The following MAGEB16 variants were observed in gnomAD, a reference collection of about 807,000 sequenced individuals.
MAGEB16 encodes MAGE family member B16.
For missense variants in MAGEB16, 217 were observed against 234.0 expected, an observed-to-expected ratio of 0.93 and a Z score of 0.47; for synonymous variants, 95 against 92.1, an observed-to-expected ratio of 1.03 and a Z score of -0.18.
At chrX:35,800,524 A>T in intron 1 of MAGEB16, 1 of 525,353 alleles carries the variant, frequency 1.9e-6, no homozygotes, top group Non-Finnish European at 3.5e-6. Context: ...CAGGAGTGGC[A>T]TTAGCTATCA....
intron 1 of MAGEB16, 86 bp downstream of exon 1, chrX:35,798,504 G>A (rs1934832675): frequency 9.0e-6 from 1 of 111,507 alleles, no homozygotes; most frequent in South Asian, 3.8e-4. Flanking sequence ...CCGTGGGCTG[G>A]ACTTTCAGGC....
At chrX:35,798,360 G>A (rs1934831077) in exon 1 of MAGEB16, 1 of 109,840 alleles carries the variant, frequency 9.1e-6, no homozygotes, top group Non-Finnish European at 1.9e-5. Flanking sequence ...CCTTATCTGA[G>A]GAAGGTGCAC....
chrX:35,802,051 T>G, intron 1 of MAGEB16, 80 bp from the exon 2 acceptor site: 1 of 662,884 alleles, frequency 1.5e-6, no homozygotes, highest in Non-Finnish European at 2.3e-6. Context: ...AGGAGAAGTC[T>G]ATAGGCAGTG....
exon 2 of MAGEB16, chrX:35,802,280 A>G (rs773234138): frequency 2.5e-6 from 3 of 1,211,184 alleles, no homozygotes; most frequent in Non-Finnish European, 3.4e-6. Flanking sequence ...TGGAGGTTGC[A>G]CAGGTCTCCA....
exon 2 of MAGEB16, chrX:35,802,226 C>G (rs758428590): frequency 1.8e-5 from 22 of 1,209,541 alleles, no homozygotes; most frequent in Non-Finnish European, 2.2e-5. Flanking sequence ...GTCCACGATG[C>G]ACACATGATC....
chrX:35,799,385 T>C (rs1934843518), intron 1 of MAGEB16, among the ~76,000 whole-genome samples: 1 of 111,325 alleles, frequency 9.0e-6, no homozygotes. Context: ...GTTTCCAATA[T>C]GGGGACCCCG....
At chrX:35,802,615 T>C in exon 2 of MAGEB16, 1 of 1,211,204 alleles carries the variant, frequency 8.3e-7, no homozygotes, top group African/African-American at 1.7e-5. Context: ...GCAGATATGT[T>C]GAAGATTATC....
intron 1 of MAGEB16, among the ~76,000 whole-genome samples, chrX:35,800,330 T>C (rs764926893): frequency 9.0e-6 from 1 of 111,244 alleles, no homozygotes; most frequent in Admixed American, 9.5e-5. Flanking sequence ...ATTTCCATAC[T>C]GTCTTCATCT....
At chrX:35,803,065 T>G in exon 2 of MAGEB16, 2 of 1,211,673 alleles carry the variant, frequency 1.7e-6, no homozygotes, top group Non-Finnish European at 2.2e-6. Context: ...AAGATGAAAG[T>G]CCTGGAGTTT....
At chrX:35,802,566 A>C (rs375791365) in exon 2 of MAGEB16, 2 of 1,209,942 alleles carry the variant, frequency 1.7e-6, no homozygotes, top group Non-Finnish European at 2.2e-6. Flanking sequence ...GGTGAATTTC[A>C]TGCTGCACAA....
At chrX:35,803,237 T>C in exon 2 of MAGEB16, 1 of 1,023,449 alleles carries the variant, frequency 9.8e-7, no homozygotes. Flanking sequence ...GCTTCTCCCA[T>C]ACCTAGTGAA....
exon 2 of MAGEB16, chrX:35,803,508 G>C: frequency 5.7e-6 from 1 of 175,914 alleles, no homozygotes. Flanking sequence ...ATGAGGTTTA[G>C]TGGCATATGT....
chrX:35,803,278 C>A, exon 2 of MAGEB16: 1 of 882,750 alleles, frequency 1.1e-6, no homozygotes, highest in Non-Finnish European at 1.5e-6. Context: ...GTAACATTTG[C>A]AGAAGGCAGT....
At chrX:35,798,449 G>A (rs895585491) in intron 1 of MAGEB16, 31 bp downstream of exon 1, 8 of 111,326 alleles carry the variant, frequency 7.2e-5, no homozygotes, top group Non-Finnish European at 1.3e-4. Context: ...GAAATAGAGC[G>A]CCCTGCAGAT....
intron 1 of MAGEB16, chrX:35,801,473 G>A (rs1425337822): frequency 1.8e-5 from 2 of 112,033 alleles, no homozygotes; most frequent in African/African-American, 6.5e-5. Context: ...GTACTGCACT[G>A]TTGTCAGCCC....
exon 2 of MAGEB16, chrX:35,802,396 G>A (rs1934871141): frequency 1.7e-6 from 2 of 1,208,313 alleles, no homozygotes; most frequent in African/African-American, 1.7e-5. Context: ...GTTCCTCAGA[G>A]TTTCTGCTCC....
At chrX:35,800,957 T>C (rs912351863) in intron 1 of MAGEB16, among the ~76,000 whole-genome samples, 1 of 111,095 alleles carries the variant, frequency 9.0e-6, no homozygotes, top group Non-Finnish European at 1.9e-5. Context: ...GGAGTTAACA[T>C]AGAGACACAG....
At chrX:35,800,674 G>A in intron 1 of MAGEB16, 1 of 499,841 alleles carries the variant, frequency 2.0e-6, no homozygotes, top group South Asian at 2.7e-5. Flanking sequence ...TCTGGGCAGG[G>A]CTGTCAGGAT....
At chrX:35,798,551 T>C (rs972497721) in intron 1 of MAGEB16, 133 bp downstream of exon 1, 3 of 111,554 alleles carry the variant, frequency 2.7e-5, no homozygotes, top group Non-Finnish European at 3.8e-5. Flanking sequence ...GGAATCTGAT[T>C]AAGGTGAAGT....
Sources: allele counts gnomAD v4.1 joint callset (sites outside exome capture counted in the v4.1 genomes callset), GRCh38; gene constraint gnomAD v4.1.1; transcripts MANE v1.5; gene names NCBI Gene and HGNC (gene_info 2026-07-23, HGNC 2026-07-21).